Variants in PCSK2 observed in about 807,000 individuals in gnomAD.
The protein encoded by PCSK2 is proprotein convertase subtilisin/kexin type 2.
A neutral mutation model predicts 69.7 loss-of-function variants in PCSK2; 14 were observed. That is an observed-to-expected ratio of 0.20 (90% CI 0.13 to 0.31). The LOEUF (loss-of-function observed/expected upper bound fraction) is 0.31, where lower values mean the gene tolerates loss of function less well. Among genes scored for constraint, PCSK2 ranks in the 10% least tolerant of loss-of-function variants. The pLI, the probability that PCSK2 is intolerant of heterozygous loss-of-function variation, is 1.00. For synonymous variants in PCSK2, 307 were observed against 320.7 expected, an observed-to-expected ratio of 0.96 and a Z score of 0.46; for missense variants, 544 against 842.5, an observed-to-expected ratio of 0.65 and a Z score of 4.39.
At chr20:17,375,956 A>T (rs1412765981) in intron 5 of PCSK2, among the ~76,000 whole-genome samples, 1 of 152,164 alleles carries the variant, frequency 6.6e-6, no homozygotes, top group Non-Finnish European at 1.5e-5. Flanking sequence ...GGGCCTTGTG[A>T]CATGTTTTAA....
At chr20:17,409,218 C>A in intron 5 of PCSK2, 45 bp from the exon 6 acceptor site, 1 of 1,442,374 alleles carries the variant, frequency 6.9e-7, no homozygotes, top group South Asian at 1.1e-5. Flanking sequence ...CCCTTTACTG[C>A]GCCTCTGGCT....
intron 2 of PCSK2, among the ~76,000 whole-genome samples, chr20:17,339,367 T>C (rs1258831064): frequency 2.0e-5 from 3 of 152,342 alleles, no homozygotes; most frequent in Admixed American, 1.3e-4. Context: ...TTTCTTTGTT[T>C]TGCAGCAACA....
At chr20:17,246,699 G>A (rs973685393) in intron 1 of PCSK2, among the ~76,000 whole-genome samples, 2 of 151,712 alleles carry the variant, frequency 1.3e-5, no homozygotes, top group African/African-American at 4.8e-5. Context: ...TGGACCTGAA[G>A]AGTGTGGTCT....
chr20:17,463,852 T>C (rs2033054233), intron 10 of PCSK2: 2 of 152,338 alleles, frequency 1.3e-5, no homozygotes, highest in Middle Eastern at 6.8e-3. Context: ...AAATGAGTTA[T>C]GTTGCTCCTG....
At chr20:17,442,010 T>G (rs1417803238) in intron 8 of PCSK2, among the ~76,000 whole-genome samples, 1 of 97,466 alleles carries the variant, frequency 1.0e-5, no homozygotes, top group Non-Finnish European at 2.3e-5. Context: ...TGTCCTTATT[T>G]AAAAGACAAA....
chr20:17,426,247 G>A (rs1000500257), intron 6 of PCSK2, among the ~76,000 whole-genome samples: 1 of 152,082 alleles, frequency 6.6e-6, no homozygotes, highest in East Asian at 1.9e-4. Context: ...TAAGCATCTG[G>A]CATTTCCCCT....
intron 6 of PCSK2, among the ~76,000 whole-genome samples, chr20:17,426,491 A>G (rs143900780): frequency 1.3e-5 from 2 of 152,386 alleles, no homozygotes; most frequent in East Asian, 3.9e-4. Flanking sequence ...TTACTTAGTT[A>G]CTTTTTGTTT....
At chr20:17,348,739 C>T (rs1048594693) in intron 2 of PCSK2, among the ~76,000 whole-genome samples, 8 of 152,224 alleles carry the variant, frequency 5.3e-5, no homozygotes, top group African/African-American at 9.6e-5. Flanking sequence ...TTCCCTGTGT[C>T]CTCACACCAT....
In PCSK2 at chr20:17,482,155, T is replaced by C; in HGVS notation, c.*85T>C. On this transcript the variant is annotated 3_prime_UTR_variant, in exon 12 of 12. Transcript: ENST00000262545. ...CACGTTTCAGGCAGGCACCTAGCAA[T>C]TCCATCACCCGTACAGGCAATTCCG... 1 of 1,284,736 alleles carries C rather than the reference T, an allele frequency of 7.8e-7. No homozygotes were observed. Among genetic ancestry groups the C allele is most frequent in the Non-Finnish European group, 1.1e-6 (1 of 949,368 alleles). The allele number at this position is 1,284,736 out of a possible 1,614,324, so 79.6% of individuals were successfully genotyped here.
chr20:17,326,069 C>G (rs774759115), intron 2 of PCSK2, among the ~76,000 whole-genome samples: 1 of 152,236 alleles, frequency 6.6e-6, no homozygotes, highest in Non-Finnish European at 1.5e-5. Context: ...CTCTTCTGCC[C>G]CCATGCCATT....
At chr20:17,447,081 C>T (rs981489649) in intron 8 of PCSK2, among the ~76,000 whole-genome samples, 6 of 144,976 alleles carry the variant, frequency 4.1e-5, no homozygotes, top group East Asian at 2.0e-4. Flanking sequence ...GGTGAAACTC[C>T]GTCATCTCTA....
In PCSK2 at chr20:17,402,346, G is replaced by A. The variant is rs150968170; in HGVS notation, c.544-6917G>A. Among the ~76,000 whole-genome samples the A allele has an allele frequency of 2.6e-3, 394 of 152,342 alleles. 1 individual carries two copies. Among genetic ancestry groups the A allele is most frequent in the African/African-American group, 8.9e-3 (371 of 41,582 alleles). ...AGTCTGCTGATAATGGTGGCAATGA[G>A]GGCCAAAGGATGGAGCTGCTTAGCT... On this transcript the variant is annotated intron_variant, in intron 5 of 11. Transcript: ENST00000262545.
chr20:17,457,206 G>T (rs1417158876), intron 10 of PCSK2, among the ~76,000 whole-genome samples: 1 of 152,208 alleles, frequency 6.6e-6, no homozygotes, highest in Non-Finnish European at 1.5e-5. Context: ...GAGTGTAAGT[G>T]CCGGCTGTGT....
chr20:17,231,916 C>A (rs191935299), intron 1 of PCSK2, among the ~76,000 whole-genome samples: 1 of 152,268 alleles, frequency 6.6e-6, no homozygotes, highest in East Asian at 1.9e-4. Context: ...CCCTGGAGAC[C>A]TCTCCATAGC....
At chr20:17,236,906 G>A (rs1986361959) in intron 1 of PCSK2, among the ~76,000 whole-genome samples, 1 of 152,144 alleles carries the variant, frequency 6.6e-6, no homozygotes, top group Admixed American at 6.6e-5. Flanking sequence ...GAAGGAAGAG[G>A]TGTTAGGATG....
At chr20:17,256,972 T>G (rs932965739) in intron 1 of PCSK2, among the ~76,000 whole-genome samples, 4 of 152,186 alleles carry the variant, frequency 2.6e-5, no homozygotes, top group African/African-American at 7.2e-5. Context: ...TATGGCTGCA[T>G]AGCATTCCAT....
At chr20:17,325,654 G>A (rs1004274442) in intron 2 of PCSK2, among the ~76,000 whole-genome samples, 22 of 152,334 alleles carry the variant, frequency 1.4e-4, no homozygotes, top group East Asian at 5.8e-4. Context: ...TCATCTAGAC[G>A]TGGGCTGGGG....
chr20:17,363,067 G>A (rs1055549306), intron 4 of PCSK2, among the ~76,000 whole-genome samples: 10 of 152,216 alleles, frequency 6.6e-5, no homozygotes, highest in Admixed American at 2.0e-4. Flanking sequence ...TCCAAAATAA[G>A]GTTAAAGACA....
intron 5 of PCSK2, 145 bp downstream of exon 5, chr20:17,369,422 A>G: frequency 1.4e-6 from 1 of 723,086 alleles, no homozygotes. Flanking sequence ...ACACAGGAGT[A>G]CAGCTGCTGG....
Sources: gnomAD v4.1 joint callset for allele counts (sites outside exome capture counted in the v4.1 genomes callset) on GRCh38, gnomAD v4.1.1 for gene constraint, MANE v1.5 for transcripts, NCBI Gene and HGNC (gene_info 2026-07-23, HGNC 2026-07-21) for gene names.